NUP98: variants seen among roughly 807,000 people sequenced by gnomAD.
The protein encoded by NUP98 is nuclear pore complex protein Nup98-Nup96.
A neutral mutation model predicts 191.9 loss-of-function variants in NUP98; 26 were observed. That is an observed-to-expected ratio of 0.14 (90% CI 0.10 to 0.19). The LOEUF is 0.19. NUP98 is among the 10% of genes least tolerant of loss of function. The pLI is 1.00. For missense variants in NUP98, 1,941 were observed against 2,178.8 expected, an observed-to-expected ratio of 0.89 and a Z score of 2.17; for synonymous variants, 808 against 778.4, an observed-to-expected ratio of 1.04 and a Z score of -0.63.
At chr11:3,708,379 A>T (rs1246885294) in intron 20 of NUP98, among the ~76,000 whole-genome samples, 1 of 152,194 alleles carries the variant, frequency 6.6e-6, no homozygotes, top group Non-Finnish European at 1.5e-5. Flanking sequence ...GCTTACCTTG[A>T]ACACTGTTTC....
intron 7 of NUP98, among the ~76,000 whole-genome samples, chr11:3,771,318 A>G (rs2081524306): frequency 6.6e-6 from 1 of 152,216 alleles, no homozygotes; most frequent in Non-Finnish European, 1.5e-5. Flanking sequence ...AACAACTTTC[A>G]GGATTTCCTA....
At chr11:3,785,898 A>C (rs555941935) in intron 1 of NUP98, among the ~76,000 whole-genome samples, 1 of 152,198 alleles carries the variant, frequency 6.6e-6, no homozygotes, top group Non-Finnish European at 1.5e-5. Flanking sequence ...AAACCCATTA[A>C]AGTTTAAAGG....
chr11:3,698,319 T>G (rs1248922767), intron 25 of NUP98, among the ~76,000 whole-genome samples: 1 of 152,118 alleles, frequency 6.6e-6, no homozygotes, highest in Non-Finnish European at 1.5e-5. Flanking sequence ...AGTCACAGGA[T>G]TTGGGTGATT....
intron 21 of NUP98, 70 bp from the exon 22 acceptor site, chr11:3,705,426 G>A (rs2078830781): frequency 2.0e-6 from 3 of 1,512,764 alleles, no homozygotes; most frequent in Admixed American, 3.6e-5. Flanking sequence ...AAAAAATGCA[G>A]TTTACAACAA....
chr11:3,707,738 C>CACAAAAAAAAAAAAAAAAAAAA (rs1554889252), intron 20 of NUP98, among the ~76,000 whole-genome samples: 3 of 48,568 alleles, frequency 6.2e-5, no homozygotes, highest in African/African-American at 3.4e-4. Flanking sequence ...GACTCTGTCT[C>CACAAAAAAAAAAAAAAAAAAAA]AAAAAAAAAA....
chr11:3,772,756 G>C (rs754296041), intron 6 of NUP98, among the ~76,000 whole-genome samples: 2 of 151,300 alleles, frequency 1.3e-5, no homozygotes, highest in Non-Finnish European at 2.9e-5. Flanking sequence ...AGAGATTGTA[G>C]TGAGCTGAGA....
intron 31 of NUP98, among the ~76,000 whole-genome samples, chr11:3,677,370 G>A (rs1335978290): frequency 6.6e-6 from 1 of 150,390 alleles, no homozygotes; most frequent in Non-Finnish European, 1.5e-5. Context: ...AGGAGAAGAA[G>A]CAGAACAAGA....
At chr11:3,680,273 C>T (rs949285092) in intron 30 of NUP98, among the ~76,000 whole-genome samples, 5 of 152,238 alleles carry the variant, frequency 3.3e-5, no homozygotes, top group African/African-American at 9.7e-5. Context: ...ACAATGTTCA[C>T]AGCATCTTCA....
intron 1 of NUP98, among the ~76,000 whole-genome samples, chr11:3,789,040 T>C (rs897201051): frequency 6.6e-5 from 10 of 152,152 alleles, no homozygotes; most frequent in East Asian, 3.9e-4. Flanking sequence ...AAATAAAAAA[T>C]TCCTCTGCCA....
chr11:3,679,015 TG>T (rs779198590), intron 31 of NUP98, among the ~76,000 whole-genome samples: 33 of 148,438 alleles, frequency 2.2e-4, no homozygotes, highest in Non-Finnish European at 4.4e-4. Context: ...CCCAGCTACT[TG>T]GGAGGCTGGG....
At chr11:3,713,223 T>A (rs555357146) in intron 19 of NUP98, among the ~76,000 whole-genome samples, 4 of 152,182 alleles carry the variant, frequency 2.6e-5, no homozygotes, top group African/African-American at 9.7e-5. Flanking sequence ...GCCTGATGAA[T>A]TACTGAAGTC....
In NUP98 at chr11:3,705,246, G is replaced by A; in HGVS notation, c.3036C>T (p.Pro1012=). ...AGTGGGATGCTGAAATGGGGAGTCT[G>A]GGAGAACAGATTTCTTGAGAAGTAT... ...KADTSQEICS[P]RLPISASHSS... The change falls in exon 22 of 33, where the codon CCC becomes CCT. Residue 1012 remains proline, a synonymous_variant. Transcript: ENST00000324932. 1 of 1,614,184 alleles carries A rather than the reference G, an allele frequency of 6.2e-7. No homozygotes were observed. The highest frequency in any genetic ancestry group is 8.5e-7 in the Non-Finnish European group (1 of 1,180,018).
At chr11:3,754,204 G>A (rs1050411297) in intron 10 of NUP98, among the ~76,000 whole-genome samples, 4 of 151,546 alleles carry the variant, frequency 2.6e-5, no homozygotes, top group Admixed American at 6.6e-5. Flanking sequence ...CAAGGTGGGC[G>A]GATCATGAGG....
At chr11:3,776,121 ATTTTTTTT>A (rs777947710) in intron 4 of NUP98, 100 bp from the exon 5 acceptor site, 20 of 538,666 alleles carry the variant, frequency 3.7e-5, no homozygotes, top group Non-Finnish European at 5.9e-5. Context: ...ACAGTACTTC[ATTTTTTTT>A]TTTTTTTTTT....
In NUP98 at chr11:3,700,957, T is replaced by C. The variant is rs867382305; in HGVS notation, c.3513-118A>G. On this transcript the variant is annotated intron_variant, in intron 23 of 32. Transcript: ENST00000324932. ...TACAAACGGAATGCAAACATTTCACTGTAGTTTTAAAGAAATTTTGTTTCT... is the reference window on the plus strand; with the variant it reads ...TACAAACGGAATGCAAACATTTCACCGTAGTTTTAAAGAAATTTTGTTTCT... 1.7e-5 allele frequency: 12 copies of C among 725,186 alleles called. No homozygotes were observed. In the African/African-American group the frequency reaches 2.0e-4, roughly 12 times the overall value. The allele number at this position is 725,186 out of a possible 1,614,324, so 44.9% of individuals were successfully genotyped here. A position where few individuals can be genotyped will look rare whatever the true frequency, so the allele number is the denominator to read the frequency against.
chr11:3,738,782 A>AG (rs972766871), intron 12 of NUP98, among the ~76,000 whole-genome samples: 2 of 149,214 alleles, frequency 1.3e-5, no homozygotes, highest in Non-Finnish European at 3.0e-5. Flanking sequence ...CTCTCAAAAA[A>AG]AAAAAAAAAA....
intron 20 of NUP98, among the ~76,000 whole-genome samples, chr11:3,707,048 G>A (rs1317097871): frequency 2.6e-5 from 4 of 152,164 alleles, no homozygotes; most frequent in Non-Finnish European, 5.9e-5. Flanking sequence ...AAAGTCTCCA[G>A]TAACTTTGCT....
intron 20 of NUP98, 66 bp from the exon 21 acceptor site, chr11:3,706,693 C>G: frequency 1.4e-6 from 2 of 1,405,324 alleles, no homozygotes; most frequent in Non-Finnish European, 2.0e-6. Context: ...GATTCTAAAT[C>G]AGATTTACTT....
chr11:3,688,571 G>GC (rs967786703), intron 28 of NUP98, among the ~76,000 whole-genome samples: 2 of 151,396 alleles, frequency 1.3e-5, no homozygotes, highest in African/African-American at 4.8e-5. Flanking sequence ...GAGGCAGGAG[G>GC]ATTACTTGAG....
Sources: allele counts gnomAD v4.1 joint callset (sites outside exome capture counted in the v4.1 genomes callset), GRCh38; gene constraint gnomAD v4.1.1; transcripts MANE v1.5; gene names NCBI Gene and HGNC (gene_info 2026-07-23, HGNC 2026-07-21).